Variants in KCNK2 observed in about 807,000 individuals in gnomAD.
KCNK2 encodes potassium two pore domain channel subfamily K member 2, also known as potassium channel subfamily K member 2.
KCNK2 carries 21 observed loss-of-function variants against 40.5 expected under a neutral mutation model. That is an observed-to-expected ratio of 0.52 (90% confidence interval 0.37 to 0.75). The LOEUF (loss-of-function observed/expected upper bound fraction) is 0.75. Ranked by LOEUF, KCNK2 falls within the 30% of genes least tolerant of loss-of-function variation. The pLI is 0.00. For missense variants in KCNK2, 399 were observed against 531.6 expected (o/e 0.75, Z 2.45); for synonymous variants, 191 against 202.2 (o/e 0.94, Z 0.47).
At chr1:215,034,696 C>T (rs1657325266) in intron 1 of KCNK2, among the ~76,000 whole-genome samples, 1 of 152,006 alleles carries the variant, frequency 6.6e-6, no homozygotes, top group Non-Finnish European at 1.5e-5. Flanking sequence ...TTGTTGAAAC[C>T]AGTCATCTAT....
intron 5 of KCNK2, among the ~76,000 whole-genome samples, chr1:215,194,218 G>T (rs1664776900): frequency 6.6e-6 from 1 of 152,040 alleles, no homozygotes; most frequent in Non-Finnish European, 1.5e-5. Flanking sequence ...GATTCTTATA[G>T]GTACAGTTAT....
intron 6 of KCNK2, 74 bp from the exon 7 acceptor site, chr1:215,234,754 A>T (rs562450574): frequency 1.5e-6 from 2 of 1,348,208 alleles, no homozygotes; most frequent in Admixed American, 4.3e-5. Flanking sequence ...AAATAAAATG[A>T]ACTGAAGATA....
At chr1:215,173,095 A>G (rs958268062) in intron 5 of KCNK2, among the ~76,000 whole-genome samples, 4 of 151,990 alleles carry the variant, frequency 2.6e-5, no homozygotes, top group Admixed American at 1.3e-4. Context: ...CATTAGGTAT[A>G]TCTCCTAATG....
chr1:215,007,203 A>ATG (rs1558054298), intron 1 of KCNK2, among the ~76,000 whole-genome samples: 1 of 60,046 alleles, frequency 1.7e-5, no homozygotes, highest in Non-Finnish European at 3.3e-5. Flanking sequence ...ATATATATAT[A>ATG]TATATATATA....
At chr1:215,086,307 A>C in intron 1 of KCNK2, 61 bp from the exon 2 acceptor site, 1 of 1,374,712 alleles carries the variant, frequency 7.3e-7, no homozygotes, top group Middle Eastern at 2.4e-4. Flanking sequence ...CTTAAAGAAG[A>C]AGCCCGACCA....
chr1:215,007,029 A>ATATATATGTGTGTGTG (rs1553254670), intron 1 of KCNK2, among the ~76,000 whole-genome samples: 1,344 of 68,040 alleles, frequency 0.02, 14 homozygotes, highest in Non-Finnish European at 0.03. Context: ...ATATATATAT[A>ATATATATGTGTGTGTG]TATATATATG....
chr1:215,179,298 C>T (rs1169023213), intron 5 of KCNK2, among the ~76,000 whole-genome samples: 1 of 151,976 alleles, frequency 6.6e-6, no homozygotes, highest in African/African-American at 2.4e-5. Flanking sequence ...TTTCAAAGAA[C>T]CAACCTTTGG....
At chr1:215,159,500 T>C (rs139260131) in intron 3 of KCNK2, among the ~76,000 whole-genome samples, 23 of 152,262 alleles carry the variant, frequency 1.5e-4, no homozygotes, top group Admixed American at 1.1e-3. Flanking sequence ...CGGACGGTTA[T>C]AGGGTTTTTT....
At chr1:215,056,544 G>A (rs1658174103) in intron 1 of KCNK2, among the ~76,000 whole-genome samples, 1 of 129,204 alleles carries the variant, frequency 7.7e-6, no homozygotes, top group African/African-American at 2.8e-5. Flanking sequence ...AGAGAAATGA[G>A]TTAATACAAT....
rs566883415 is a variant in KCNK2, at chr1:215,219,091, T to C, written c.964-15737T>C. 1.4e-3 allele frequency among the ~76,000 whole-genome samples: 219 copies of C among 152,310 alleles called. 1 individual carries two copies. Among genetic ancestry groups the C allele is most frequent in the African/African-American group, 5.0e-3 (207 of 41,574 alleles). On this transcript the variant is annotated intron_variant, in intron 6 of 6. Coordinates refer to ENST00000444842, the MANE Select transcript of KCNK2 (RefSeq NM_001017425.3). The stretch of plus-strand genomic sequence containing the variant: ...TTATTTTGATGATTAATTTAATAGC[T>C]GTCATGTCTGAAAAAGATAACTCAC...
chr1:215,205,039 C>T (rs1316299640), intron 6 of KCNK2, among the ~76,000 whole-genome samples: 2 of 152,150 alleles, frequency 1.3e-5, no homozygotes, highest in East Asian at 1.9e-4. Flanking sequence ...CACATACAAT[C>T]TCTTATTTCA....
At chr1:215,127,258 C>T (rs1055328348) in intron 3 of KCNK2, among the ~76,000 whole-genome samples, 2 of 152,062 alleles carry the variant, frequency 1.3e-5, no homozygotes, top group Non-Finnish European at 2.9e-5. Context: ...TGTTCAATTT[C>T]ATCAATTTTT....
At chr1:215,211,452 C>A (rs377364799) in intron 6 of KCNK2, among the ~76,000 whole-genome samples, 1 of 152,134 alleles carries the variant, frequency 6.6e-6, no homozygotes, top group South Asian at 2.1e-4. Context: ...TCCCCAAGCA[C>A]CCTTGGTTCT....
At chr1:215,234,802 A>T in intron 6 of KCNK2, 26 bp from the exon 7 acceptor site, 1 of 1,574,010 alleles carries the variant, frequency 6.4e-7, no homozygotes, top group African/African-American at 1.4e-5. Flanking sequence ...CAATATCTTT[A>T]TCTTTTCTCT....
At chr1:215,102,963 T>A (rs1477839954) in intron 2 of KCNK2, among the ~76,000 whole-genome samples, 2 of 152,016 alleles carry the variant, frequency 1.3e-5, no homozygotes, top group Non-Finnish European at 2.9e-5. Context: ...CATGTGACAG[T>A]CATGCAGTGG....
intron 1 of KCNK2, among the ~76,000 whole-genome samples, chr1:215,008,911 A>G (rs1028066224): frequency 1.3e-5 from 2 of 152,074 alleles, no homozygotes; most frequent in African/African-American, 4.8e-5. Context: ...TAGATGCTTT[A>G]GATGTGTAGG....
At chr1:215,172,298 C>T in intron 5 of KCNK2, 115 bp downstream of exon 5, 2 of 881,978 alleles carry the variant, frequency 2.3e-6, no homozygotes, top group Non-Finnish European at 3.5e-6. Flanking sequence ...GGCTGACATA[C>T]CCAAGTACCA....
intron 2 of KCNK2, among the ~76,000 whole-genome samples, chr1:215,106,686 C>T (rs1000948099): frequency 6.6e-6 from 1 of 152,018 alleles, no homozygotes; most frequent in Non-Finnish European, 1.5e-5. Context: ...AAGGGTATTT[C>T]CTAGGTTTTC....
At chr1:215,075,591 A>G (rs1182247110) in intron 1 of KCNK2, among the ~76,000 whole-genome samples, 1 of 152,216 alleles carries the variant, frequency 6.6e-6, no homozygotes, top group Non-Finnish European at 1.5e-5. Flanking sequence ...GGTTTACTGA[A>G]TGAATACATA....
Sources: allele counts gnomAD v4.1 joint callset (sites outside exome capture counted in the v4.1 genomes callset), GRCh38; gene constraint gnomAD v4.1.1; transcripts MANE v1.5; gene names NCBI Gene and HGNC (gene_info 2026-07-23, HGNC 2026-07-21).